HTT: variants seen among roughly 807,000 people sequenced by gnomAD.
The protein encoded by HTT is huntingtin, also known as huntington disease protein.
Under a neutral mutation model 362.3 loss-of-function variants are expected in HTT, and 104 were observed. That is an observed-to-expected ratio of 0.29 (90% CI 0.24 to 0.34). The LOEUF is 0.34. HTT is among the 10% of genes least tolerant of loss of function. The probability of loss-of-function intolerance (pLI) is 1.00; values close to 1 mark genes in which losing one functional copy is unlikely to be tolerated. For missense variants in HTT, 3,301 were observed against 3,928.6 expected, an observed-to-expected ratio of 0.84 and a Z score of 4.27; for synonymous variants, 1,577 against 1,548.7, an observed-to-expected ratio of 1.02 and a Z score of -0.43.
chr4:3,212,900 C>G (rs1163410142), intron 49 of HTT, 191 bp downstream of exon 49: 4 of 609,366 alleles, frequency 6.6e-6, no homozygotes, highest in Non-Finnish European at 1.1e-5. Flanking sequence ...CTCGCCACTC[C>G]TCATGGTGGC....
At chr4:3,188,822 A>C (rs978277610) in intron 39 of HTT, 129 bp from the exon 40 acceptor site, 5 of 864,742 alleles carry the variant, frequency 5.8e-6, no homozygotes, top group Non-Finnish European at 7.1e-6. Context: ...TCTGCATTTC[A>C]CTTTAGCGGT....
At chr4:3,225,308 C>T (rs1329709565) in intron 56 of HTT, among the ~76,000 whole-genome samples, 1 of 152,188 alleles carries the variant, frequency 6.6e-6, no homozygotes, top group African/African-American at 2.4e-5. Flanking sequence ...CCTGGACTGT[C>T]GGCTCGCCTG....
At chr4:3,136,051 A>T in intron 20 of HTT, 84 bp downstream of exon 20, 1 of 1,028,666 alleles carries the variant, frequency 9.7e-7, no homozygotes, top group Non-Finnish European at 1.5e-6. Flanking sequence ...CTCTAAATGC[A>T]TTCGTCATGT....
chr4:3,212,231 G>A (rs1253067724), intron 48 of HTT, 89 bp downstream of exon 48: 21 of 1,012,496 alleles, frequency 2.1e-5, no homozygotes, highest in Non-Finnish European at 2.7e-5. Context: ...AATAAAGGCA[G>A]TGGATCTAAT....
chr4:3,210,614 G>GA (rs1205618366), intron 47 of HTT, among the ~76,000 whole-genome samples: 1 of 151,954 alleles, frequency 6.6e-6, no homozygotes, highest in African/African-American at 2.4e-5. Context: ...AGCAGTGGGG[G>GA]GGCCACCTCT....
In HTT at chr4:3,213,965, C is replaced by T; in HGVS notation, c.6782C>T (p.Ser2261Phe). 1 of 1,562,086 alleles carries T rather than the reference C, an allele frequency of 6.4e-7. No homozygotes were observed. The highest frequency in any genetic ancestry group is 2.4e-5 in the East Asian group (1 of 42,462). Residue 2261 changes from serine to phenylalanine, a missense_variant, in exon 50 of 67, where the codon TCC (serine) becomes TTC (phenylalanine). By Grantham distance (155) the Ser-to-Phe change is radical (BLOSUM62 -2). Transcript: ENST00000355072. ...CTCGGTACTTCCCTTTAGGCCCTGT[C>T]CTGGCATTTGATCCATGAGCAGATC... The part of the protein sequence containing the change: ...KFVVATLEAL[S>F]WHLIHEQIPL...
rs950108022 is a variant in HTT at position 3,241,031 on chromosome 4, G to A, written c.*972G>A. 1 of 152,374 alleles carries A rather than the reference G, an allele frequency of 6.6e-6. No homozygotes were observed. Among genetic ancestry groups the A allele is most frequent in the African/African-American group, 2.4e-5 (1 of 41,468 alleles). The allele number at this position is 152,374 out of a possible 1,614,324, so 9.4% of individuals were successfully genotyped here. On this transcript the variant is annotated 3_prime_UTR_variant, in exon 67 of 67. Transcript: ENST00000355072. ...GAAGGCCAGCCCTCCCTGGCTGTGA[G>A]CAGCCTCCACTGTGTCCAGAGACAT...
intron 11 of HTT, among the ~76,000 whole-genome samples, 197 bp from the exon 12 acceptor site, chr4:3,127,067 A>G (rs1372565708): frequency 2.0e-5 from 3 of 152,202 alleles, no homozygotes; most frequent in African/African-American, 7.2e-5. Context: ...CTTATTTTAT[A>G]AGGTGGGTAC....
intron 25 of HTT, 21 bp downstream of exon 25, chr4:3,146,969 C>T: frequency 6.2e-7 from 1 of 1,613,250 alleles, no homozygotes; most frequent in South Asian, 1.1e-5. Context: ...TGAGTTGAAA[C>T]AGGGACTCCA....
chr4:3,175,554 G>T (rs1718198861), intron 33 of HTT, among the ~76,000 whole-genome samples: 1 of 152,162 alleles, frequency 6.6e-6, no homozygotes, highest in South Asian at 2.1e-4. Flanking sequence ...AAAAAGGAAT[G>T]GAATTTAGCA....
At chr4:3,220,070 G>T in intron 52 of HTT, 112 bp from the exon 53 acceptor site, 1 of 1,188,194 alleles carries the variant, frequency 8.4e-7, no homozygotes, top group South Asian at 1.3e-5. Flanking sequence ...CTGGGACAGT[G>T]TTGGGGTAGT....
rs556201497 is a variant in HTT, at chr4:3,148,429, A to G, written c.3498+222A>G. Among the ~76,000 whole-genome samples the G allele has an allele frequency of 5.8e-3, 881 of 152,194 alleles. 6 individuals are homozygous for G. The highest frequency in any genetic ancestry group is 9.5e-3 in the Non-Finnish European group (649 of 67,982). ...CACTTTGGGAGACTGAGGCAAGTGG[A>G]TCACTTGAGGCCAAGAGTTCGAGAC... On this transcript the variant is annotated intron_variant, in intron 26 of 66. Coordinates refer to ENST00000355072, the MANE Select transcript of HTT (RefSeq NM_001388492.1).
intron 19 of HTT, 87 bp from the exon 20 acceptor site, chr4:3,135,817 C>CT (rs747005968): frequency 3.9e-6 from 4 of 1,016,578 alleles, no homozygotes; most frequent in Non-Finnish European, 5.7e-6. Flanking sequence ...TCCAGGGCAC[C>CT]TGGATGAGCC....
chr4:3,174,695 G>T (rs1357413903), intron 31 of HTT, 26 bp from the exon 32 acceptor site: 1 of 1,564,946 alleles, frequency 6.4e-7, no homozygotes, highest in South Asian at 1.1e-5. Context: ...CTCATTCTCT[G>T]CTTCCCTTTT....
intron 6 of HTT, among the ~76,000 whole-genome samples, chr4:3,108,224 C>A (rs1714538363): frequency 1.3e-5 from 2 of 152,190 alleles, no homozygotes; most frequent in Non-Finnish European, 2.9e-5. Context: ...GCTGCTACTG[C>A]TCTTATTAGC....
chr4:3,237,872 G>A (rs1721613368), intron 64 of HTT, among the ~76,000 whole-genome samples: 1 of 152,200 alleles, frequency 6.6e-6, no homozygotes, highest in African/African-American at 2.4e-5. Flanking sequence ...CGAGAGCACA[G>A]ATGGGGCCCT....
chr4:3,079,491 T>C (rs997072354), intron 1 of HTT, among the ~76,000 whole-genome samples: 1 of 152,128 alleles, frequency 6.6e-6, no homozygotes, highest in African/African-American at 2.4e-5. Context: ...GAAGTAGTGG[T>C]ATTCCAGATG....
intron 61 of HTT, 49 bp from the exon 62 acceptor site, chr4:3,235,235 C>G (rs111920824): frequency 4.0e-5 from 51 of 1,289,452 alleles, no homozygotes; most frequent in African/African-American, 3.9e-4. Flanking sequence ...GAAGCCCTCT[C>G]CACGTTGGAT....
At chr4:3,186,119 A>T (rs1718746613) in intron 37 of HTT, among the ~76,000 whole-genome samples, 1 of 152,176 alleles carries the variant, frequency 6.6e-6, no homozygotes, top group African/African-American at 2.4e-5. Context: ...CTATAGGAAC[A>T]TGGGGCAGAT....
Sources: allele counts gnomAD v4.1 joint callset (sites outside exome capture counted in the v4.1 genomes callset), GRCh38; gene constraint gnomAD v4.1.1; transcripts MANE v1.5; gene names NCBI Gene and HGNC (gene_info 2026-07-23, HGNC 2026-07-21).